NAA11: variants seen among roughly 807,000 people sequenced by gnomAD.
NAA11 encodes the protein N-alpha-acetyltransferase 11.
Under a neutral mutation model 16.1 loss-of-function variants are expected in NAA11, and 15 were observed. That is an observed-to-expected ratio of 0.93 (90% CI 0.62 to 1.44). The LOEUF is 1.44. NAA11 is among the 40% of genes most tolerant of loss of function. The probability of loss-of-function intolerance (pLI) is 0.00; values close to 1 mark genes in which losing one functional copy is unlikely to be tolerated. For synonymous variants in NAA11, 122 were observed against 112.4 expected, an observed-to-expected ratio of 1.09 and a Z score of -0.54; for missense variants, 298 against 291.3, an observed-to-expected ratio of 1.02 and a Z score of -0.17.
chr4:79,211,997 G>C, the NAA11 span, among the ~76,000 whole-genome samples: 1 of 152,272 alleles, frequency 6.6e-6, no homozygotes, highest in African/African-American at 2.4e-5. Flanking sequence ...CCAATGCCAG[G>C]TGTCTCCTGG....
At chr4:79,194,656 CAG>C in the NAA11 span, among the ~76,000 whole-genome samples, 1 of 152,054 alleles carries the variant, frequency 6.6e-6, no homozygotes, top group African/African-American at 2.4e-5. Context: ...GCATAAGTAA[CAG>C]AAAATACTCT....
the NAA11 span, among the ~76,000 whole-genome samples, chr4:79,160,077 C>T: frequency 3.3e-5 from 5 of 151,550 alleles, no homozygotes; most frequent in South Asian, 2.1e-4. Flanking sequence ...CTGCAACCTC[C>T]GCCTCCCAGG....
At chr4:79,261,865 G>A (rs1722249347) in intron 2 of NAA11, among the ~76,000 whole-genome samples, 1 of 152,168 alleles carries the variant, frequency 6.6e-6, no homozygotes. Context: ...TACTCCTTTT[G>A]AAGAGTTGAC....
At chr4:79,212,460 A>G in the NAA11 span, among the ~76,000 whole-genome samples, 1 of 152,006 alleles carries the variant, frequency 6.6e-6, no homozygotes, top group Admixed American at 6.6e-5. Context: ...CCTTTCTTGC[A>G]AAGGCCTTGT....
chr4:79,178,337 A>G, the NAA11 span, among the ~76,000 whole-genome samples: 1 of 152,340 alleles, frequency 6.6e-6, no homozygotes, highest in Non-Finnish European at 1.5e-5. Context: ...ATATTATGAT[A>G]CAGACGTTAA....
At chr4:79,250,680 C>A (rs1311407098) in intron 2 of NAA11, among the ~76,000 whole-genome samples, 1 of 152,090 alleles carries the variant, frequency 6.6e-6, no homozygotes, top group Non-Finnish European at 1.5e-5. Context: ...AAACTATCAA[C>A]AAATAGGCAA....
the NAA11 span, among the ~76,000 whole-genome samples, chr4:79,170,837 A>G: frequency 3.3e-5 from 5 of 152,154 alleles, no homozygotes; most frequent in African/African-American, 7.2e-5. Flanking sequence ...AAAAGCCAAA[A>G]CACTTGTTTT....
At chr4:79,276,751 G>T (rs116019906) in intron 2 of NAA11, among the ~76,000 whole-genome samples, 1,739 of 152,186 alleles carry the variant, frequency 0.011, 39 homozygotes, top group African/African-American at 0.04. Context: ...ACATCATAAA[G>T]CGAGAGAAGC....
intron 2 of NAA11, among the ~76,000 whole-genome samples, chr4:79,268,354 C>A (rs534432266): frequency 6.6e-6 from 1 of 152,226 alleles, no homozygotes; most frequent in African/African-American, 2.4e-5. Flanking sequence ...TTTTAAAGAT[C>A]ACTTTAGTAT....
chr4:79,204,951 A>ACACACACACG, the NAA11 span, among the ~76,000 whole-genome samples: 1 of 151,538 alleles, frequency 6.6e-6, no homozygotes, highest in Non-Finnish European at 1.5e-5. Context: ...ACACACACAC[A>ACACACACACG]CACACATTAT....
At chr4:79,323,647 C>T (rs1208545418) in intron 1 of NAA11, among the ~76,000 whole-genome samples, 3 of 152,188 alleles carry the variant, frequency 2.0e-5, no homozygotes, top group Non-Finnish European at 2.9e-5. Flanking sequence ...AGTGAAACCC[C>T]GTCTCTACTA....
the NAA11 span, among the ~76,000 whole-genome samples, chr4:79,217,486 C>T: frequency 6.6e-6 from 1 of 152,018 alleles, no homozygotes; most frequent in South Asian, 2.1e-4. Context: ...ATTGTATGAA[C>T]AAAAAATCAA....
the NAA11 span, among the ~76,000 whole-genome samples, chr4:79,217,486 C>CA: frequency 2.6e-5 from 4 of 152,136 alleles, no homozygotes; most frequent in South Asian, 8.3e-4. Context: ...ATTGTATGAA[C>CA]AAAAAATCAA....
At chr4:79,263,139 A>T (rs1226954970) in intron 2 of NAA11, among the ~76,000 whole-genome samples, 4 of 152,222 alleles carry the variant, frequency 2.6e-5, no homozygotes, top group Non-Finnish European at 5.9e-5. Flanking sequence ...TGGTATTTTT[A>T]TTCCTTTTGC....
intron 2 of NAA11, among the ~76,000 whole-genome samples, chr4:79,246,332 C>A (rs1578160505): frequency 2.2e-5 from 3 of 135,138 alleles, no homozygotes; most frequent in East Asian, 2.2e-4. Context: ...ATGACCCTGC[C>A]AAATCCCTCT....
At chr4:79,263,775 T>C (rs1292748787) in intron 2 of NAA11, among the ~76,000 whole-genome samples, 1 of 152,164 alleles carries the variant, frequency 6.6e-6, no homozygotes, top group Admixed American at 6.6e-5. Context: ...CTCTCACTTT[T>C]CTAGACTACT....
intron 2 of NAA11, among the ~76,000 whole-genome samples, chr4:79,270,161 G>T (rs1276263447): frequency 1.3e-5 from 2 of 150,560 alleles, no homozygotes; most frequent in Non-Finnish European, 3.0e-5. Context: ...TTGTTCTTTT[G>T]GCTTAGGATT....
At chr4:79,176,124 C>T in the NAA11 span, among the ~76,000 whole-genome samples, 4 of 152,134 alleles carry the variant, frequency 2.6e-5, no homozygotes, top group Admixed American at 1.3e-4. Flanking sequence ...CAAATAAACT[C>T]GTATCCCCAC....
chr4:79,310,663 C>G (rs1723746738), intron 1 of NAA11, among the ~76,000 whole-genome samples: 3 of 152,144 alleles, frequency 2.0e-5, no homozygotes, highest in Admixed American at 6.5e-5. Context: ...GATCTTGAAA[C>G]AGGTAGAGTA....
Sources: gnomAD v4.1 joint callset for allele counts (sites outside exome capture counted in the v4.1 genomes callset) on GRCh38, gnomAD v4.1.1 for gene constraint, MANE v1.5 for transcripts, NCBI Gene and HGNC (gene_info 2026-07-23, HGNC 2026-07-21) for gene names.